Variants in DIP2B observed in about 807,000 individuals in gnomAD.
The protein encoded by DIP2B is disco-interacting protein 2 homolog B.
In DIP2B, 76 loss-of-function variants were observed where a neutral mutation model predicts 198.0. The ratio of observed to expected loss-of-function variants is 0.38; its 90% CI spans 0.32 to 0.46. The LOEUF (loss-of-function observed/expected upper bound fraction) is 0.46. Among genes scored for constraint, DIP2B ranks in the 20% least tolerant of loss-of-function variants. The pLI is 0.99. For missense variants in DIP2B, 1,559 were observed against 1,978.4 expected (o/e 0.79, Z 4.02); for synonymous variants, 701 against 739.1 (o/e 0.95, Z 0.84).
intron 1 of DIP2B, among the ~76,000 whole-genome samples, chr12:50,549,038 A>G (rs990881577): frequency 5.9e-5 from 9 of 152,274 alleles, no homozygotes; most frequent in Non-Finnish European, 2.9e-5. Context: ...TTAGCCACCT[A>G]TGTGACCTTT....
At chr12:50,600,894 T>TCACCACCACCACCACCATCAC (rs1958928853) in intron 1 of DIP2B, among the ~76,000 whole-genome samples, 3 of 121,582 alleles carry the variant, frequency 2.5e-5, no homozygotes, top group East Asian at 5.2e-4. Context: ...ATGACCACCA[T>TCACCACCACCACCACCATCAC]CACCACCACC....
At chr12:50,619,776 G>C (rs10876072) in intron 1 of DIP2B, among the ~76,000 whole-genome samples, 41,410 of 152,080 alleles carry the variant, frequency 0.27, 6,013 homozygotes, top group East Asian at 0.39. Context: ...CTGAGGCTCT[G>C]CTGAGCGCAT....
At chr12:50,702,870 A>G (rs961535329) in intron 19 of DIP2B, among the ~76,000 whole-genome samples, 1 of 152,142 alleles carries the variant, frequency 6.6e-6, no homozygotes, top group Admixed American at 6.5e-5. Flanking sequence ...ATTCAGACAT[A>G]TTACTTATAA....
chr12:50,646,594 G>T (rs543101051), intron 3 of DIP2B, among the ~76,000 whole-genome samples: 2 of 151,874 alleles, frequency 1.3e-5, no homozygotes, highest in Non-Finnish European at 2.9e-5. Context: ...GCTAATTTTT[G>T]TATTTTTAAT....
chr12:50,513,428 CAT>C (rs1958035852), intron 1 of DIP2B, among the ~76,000 whole-genome samples: 1 of 152,176 alleles, frequency 6.6e-6, no homozygotes, highest in Non-Finnish European at 1.5e-5. Context: ...ATGCCTGTGA[CAT>C]ATAAGCTTGG....
intron 1 of DIP2B, among the ~76,000 whole-genome samples, chr12:50,560,565 GA>G (rs1323915622): frequency 6.6e-6 from 1 of 151,556 alleles, no homozygotes; most frequent in Non-Finnish European, 1.5e-5. Context: ...TCTAAAAAGA[GA>G]AAGCAAATAA....
chr12:50,652,871 A>G (rs528727657), intron 3 of DIP2B, among the ~76,000 whole-genome samples: 5 of 151,000 alleles, frequency 3.3e-5, no homozygotes, highest in African/African-American at 1.2e-4. Flanking sequence ...GTTCTTTTTG[A>G]TGTTATTATA....
intron 1 of DIP2B, among the ~76,000 whole-genome samples, chr12:50,517,641 ATCTT>A (rs1026994292): frequency 2.0e-5 from 3 of 152,158 alleles, no homozygotes; most frequent in Non-Finnish European, 4.4e-5. Context: ...AACTCTAAGC[ATCTT>A]TCTTTGTATA....
chr12:50,691,234 A>AT, intron 13 of DIP2B, 83 bp downstream of exon 13: 1 of 1,209,390 alleles, frequency 8.3e-7, no homozygotes, highest in Non-Finnish European at 1.2e-6. Context: ...ATTGGACCTC[A>AT]TTTAATGACC....
intron 19 of DIP2B, among the ~76,000 whole-genome samples, chr12:50,701,328 C>T (rs1939412577): frequency 6.6e-6 from 1 of 152,208 alleles, no homozygotes. Flanking sequence ...ATGTAGTTAA[C>T]ATTTCACTGG....
At position 50,678,795 on chromosome 12, in the gene DIP2B, C is replaced by T. The variant is rs145274091; in HGVS notation, c.1033C>T (p.Arg345Cys). The T allele has an allele frequency of 1.4e-5, 22 of 1,614,054 alleles. No homozygotes were observed. The highest frequency in any genetic ancestry group is 1.6e-4 in the Middle Eastern group (1 of 6,084). The change falls in exon 8 of 38, where the codon CGC becomes TGC. Residue 345 changes from arginine to cysteine, a missense_variant. Physicochemically the swap from Arg to Cys is radical, Grantham distance 180 (BLOSUM62 -3). Coordinates refer to ENST00000301180, the MANE Select transcript of DIP2B (RefSeq NM_173602.3). ...WPPALESALQ[R>C]WGTTQAKCSC... is the part of the protein sequence containing the mutation. ...TCCTGCTCTTGAATCTGCCCTGCAG[C>T]GCTGGGGTACCACTCAAGCAAAATG...
At chr12:50,652,976 C>T (rs900308670) in intron 3 of DIP2B, among the ~76,000 whole-genome samples, 1 of 151,662 alleles carries the variant, frequency 6.6e-6, no homozygotes, top group South Asian at 2.1e-4. Flanking sequence ...CGGGGTCTCC[C>T]TCTGTTGCCT....
chr12:50,744,964 TC>T lies in DIP2B; in HGVS notation c.*127del. On this transcript the variant is annotated 3_prime_UTR_variant, in exon 38 of 38. Coordinates refer to ENST00000301180, the MANE Select transcript of DIP2B (RefSeq NM_173602.3). The stretch of plus-strand genomic sequence containing the variant: ...TGGCTACATGATATTCTTCATCTCA[TC>T]CTGTGGGATTCTGCAATCATAAAAC... The T allele has an allele frequency of 2.6e-6, 3 of 1,174,006 alleles. No homozygotes were observed. Among genetic ancestry groups the T allele is most frequent in the Non-Finnish European group, 3.6e-6 (3 of 843,456 alleles). 72.7% of individuals were successfully genotyped at this position (1,174,006 alleles called of 1,614,324 possible).
chr12:50,691,093 C>CATTG lies in DIP2B; in HGVS notation c.1596_1597insATTG (p.Arg533IlefsTer20). 6.2e-7 allele frequency: 1 copy of CATTG among 1,613,868 alleles called. No individual in the cohort carries two copies. The highest frequency in any genetic ancestry group is 1.3e-5 in the African/African-American group (1 of 74,918). On this transcript the variant is annotated frameshift_variant, in exon 13 of 38. Coordinates refer to ENST00000301180, the MANE Select transcript of DIP2B (RefSeq NM_173602.3). LOFTEE classifies it high-confidence loss of function. ...GGAGTGTAATGGGAGTTACAGTATCCCGGCTTGCAATGTTGTCTCACTGCC... is the reference window on the plus strand; with the variant it reads ...GGAGTGTAATGGGAGTTACAGTATCCATTGCGGCTTGCAATGTTGTCTCACTGCC...
intron 5 of DIP2B, among the ~76,000 whole-genome samples, chr12:50,673,943 A>G (rs947924825): frequency 6.6e-6 from 1 of 152,212 alleles, no homozygotes; most frequent in Admixed American, 6.5e-5. Flanking sequence ...ATCCGTAGGT[A>G]AAAGTTAAAA....
rs1246914279 is a variant in DIP2B, at chr12:50,619,948, A to C, written c.101-6028A>C. On this transcript the variant is annotated intron_variant, in intron 1 of 37. Transcript: ENST00000301180. ...TGATAGCACACCCATCTGGTCCCAG[A>C]TACTCAGGAGGCTGAGGCAGGAGGG... is the stretch of plus-strand genomic sequence containing the variant. 2.6e-5 allele frequency among the ~76,000 whole-genome samples: 4 copies of C among 152,126 alleles called. No individual in the cohort carries two copies. The East Asian group carries it at 7.7e-4, about 29-fold the overall frequency.
At chr12:50,621,534 G>A (rs144394275) in intron 1 of DIP2B, among the ~76,000 whole-genome samples, 11 of 152,292 alleles carry the variant, frequency 7.2e-5, no homozygotes, top group East Asian at 3.9e-4. Context: ...TTCAACAAGC[G>A]TCTATTGTGC....
intron 35 of DIP2B, 80 bp from the exon 36 acceptor site, chr12:50,739,329 A>G (rs772132928): frequency 1.5e-5 from 23 of 1,497,004 alleles, no homozygotes; most frequent in Non-Finnish European, 2.0e-5. Flanking sequence ...GAGATTTAAA[A>G]AATCAAAATA....
intron 23 of DIP2B, among the ~76,000 whole-genome samples, 183 bp from the exon 24 acceptor site, chr12:50,718,526 G>A (rs549304316): frequency 8.5e-5 from 13 of 152,096 alleles, no homozygotes; most frequent in East Asian, 3.9e-4. Context: ...GTATTTCTTG[G>A]TTACCCTTCT....
Sources: allele counts gnomAD v4.1 joint callset (sites outside exome capture counted in the v4.1 genomes callset), GRCh38; gene constraint gnomAD v4.1.1; transcripts MANE v1.5; gene names NCBI Gene and HGNC (gene_info 2026-07-23, HGNC 2026-07-21).